Variants in LPIN1 observed in about 807,000 individuals in gnomAD.
The protein encoded by LPIN1 is lipin 1.
Under a neutral mutation model 107.5 loss-of-function variants are expected in LPIN1, and 71 were observed. The observed-to-expected ratio is 0.66, with a 90% CI of 0.55 to 0.80. The LOEUF is 0.80. Among genes scored for constraint, LPIN1 ranks in the 30% least tolerant of loss-of-function variants. LPIN1 has a pLI of 0.00. For missense variants in LPIN1, 1,043 were observed against 1,160.6 expected (o/e 0.90, Z 1.47); for synonymous variants, 445 against 452.6 (o/e 0.98, Z 0.21).
Position 11,802,916 on chromosome 2 carries a change from T to C in LPIN1, c.1896T>C (p.His632=). ...PQLSLATRVK[H]ESSSSDEERA... ...TCACTGTGTGTTCCAGGGTAAAGCA[T>C]GAATCATCCTCCAGTGATGAGGAGC... The change falls in exon 15 of 21, where the codon CAT becomes CAC. Residue 632 remains histidine (H), a synonymous_variant. Coordinates refer to ENST00000674199, the MANE Select transcript of LPIN1 (RefSeq NM_001349206.2). 6.2e-7 allele frequency: 1 copy of C among 1,613,330 alleles called. No homozygotes were observed. The highest frequency in any genetic ancestry group is 8.5e-7 in the Non-Finnish European group (1 of 1,180,022).
intron 1 of LPIN1, among the ~76,000 whole-genome samples, chr2:11,758,469 A>G (rs1381716638): frequency 6.6e-6 from 1 of 152,152 alleles, no homozygotes; most frequent in African/African-American, 2.4e-5. Context: ...AGCCATCTTA[A>G]TAGATGTGAG....
rs1408139549 is a variant in LPIN1 at position 11,782,300 on chromosome 2, A to G, written c.1057A>G (p.Thr353Ala). 1.2e-6 allele frequency: 2 copies of G among 1,614,180 alleles called. No homozygotes were observed. The highest frequency in any genetic ancestry group is 1.7e-6 in the Non-Finnish European group (2 of 1,180,032). Residue 353 changes from threonine to alanine, a missense_variant, in exon 8 of 21, where the codon ACT becomes GCT. By Grantham distance (58) the Thr-to-Ala change is moderately conservative. Transcript: ENST00000674199. The part of the protein sequence containing the change: ...FQAIHSESSD[T>A]FSDQSPTLVG... ...GGCCATTCACAGCGAATCTTCAGAC[A>G]CTTTTAGTGACCAATCGCCAACTCT...
At chr2:11,772,266 G>A (rs1268119530) in intron 4 of LPIN1, among the ~76,000 whole-genome samples, 3 of 152,200 alleles carry the variant, frequency 2.0e-5, no homozygotes, top group Non-Finnish European at 4.4e-5. Context: ...TTCTAACAGG[G>A]GCATGGACCC....
At chr2:11,813,071 C>T (rs755401335) in intron 17 of LPIN1, among the ~76,000 whole-genome samples, 6 of 152,018 alleles carry the variant, frequency 3.9e-5, no homozygotes, top group Non-Finnish European at 8.8e-5. Context: ...CGAGGAGTCT[C>T]GGGGTGAGTT....
At chr2:11,799,522 C>T (rs942523766) in intron 14 of LPIN1, among the ~76,000 whole-genome samples, 2 of 151,836 alleles carry the variant, frequency 1.3e-5, no homozygotes, top group African/African-American at 4.8e-5. Flanking sequence ...AGCTCCAGGA[C>T]CACATTTACC....
At chr2:11,696,451 G>C (rs1662582699) in intron 1 of LPIN1, among the ~76,000 whole-genome samples, 2 of 152,168 alleles carry the variant, frequency 1.3e-5, no homozygotes, top group Non-Finnish European at 2.9e-5. Flanking sequence ...TTCACCTCTA[G>C]TCCATAGGTA....
chr2:11,744,097 C>T (rs935917928), upstream of LPIN1, among the ~76,000 whole-genome samples: 1 of 152,248 alleles, frequency 6.6e-6, no homozygotes, highest in Non-Finnish European at 1.5e-5. Context: ...AACTGAGCCT[C>T]TAGAATCAGG....
At chr2:11,724,838 G>A (rs1436565254) in intron 1 of LPIN1, among the ~76,000 whole-genome samples, 4 of 152,240 alleles carry the variant, frequency 2.6e-5, no homozygotes, top group Non-Finnish European at 5.9e-5. Context: ...TGGGCTTTTA[G>A]ACAGGTCTTG....
At position 11,815,147 on chromosome 2, in the gene LPIN1, G is replaced by T. The variant is rs913897829; in HGVS notation, c.2309G>T (p.Arg770Leu). 1.9e-6 allele frequency: 3 copies of T among 1,613,972 alleles called. No homozygotes were observed. The highest frequency in any genetic ancestry group is 2.5e-6 in the Non-Finnish European group (3 of 1,180,016). Reference sequence around the variant, plus strand: ...GCCATCGGGATGGCGGACATGACGCGGGGCTACCTGCACTGGGTCAACGAG... The same window carrying T: ...GCCATCGGGATGGCGGACATGACGCTGGGCTACCTGCACTGGGTCAACGAG... ...ARAIGMADMTRGYLHWVNERG... is the reference protein window; with the variant it reads ...ARAIGMADMTLGYLHWVNERG... The change falls in exon 18 of 21, where the codon CGG (arginine) becomes CTG (leucine). Residue 770 changes from arginine to leucine, a missense_variant. Coordinates refer to ENST00000674199, the MANE Select transcript of LPIN1 (RefSeq NM_001349206.2).
intron 14 of LPIN1, among the ~76,000 whole-genome samples, chr2:11,797,268 G>A (rs1462562307): frequency 6.6e-6 from 1 of 152,192 alleles, no homozygotes; most frequent in Non-Finnish European, 1.5e-5. Flanking sequence ...ACCTCTCAGC[G>A]TCTCCATCTG....
intron 1 of LPIN1, chr2:11,677,795 C>T (rs1211597803): frequency 1.5e-6 from 2 of 1,341,372 alleles, no homozygotes; most frequent in African/African-American, 2.9e-5. Context: ...TCCCCAGGTG[C>T]CCGCGTACTG....
intron 17 of LPIN1, among the ~76,000 whole-genome samples, chr2:11,814,511 C>CGTGTGTGT (rs1558297645): frequency 3.2e-5 from 3 of 94,864 alleles, no homozygotes; most frequent in African/African-American, 1.4e-4. Context: ...GGTGTGTGTG[C>CGTGTGTGT]ATGTGTGTGT....
chr2:11,776,279 C>A, intron 6 of LPIN1, 86 bp downstream of exon 6: 1 of 783,726 alleles, frequency 1.3e-6, no homozygotes, highest in South Asian at 2.2e-5. Flanking sequence ...TTACCATTAA[C>A]CAAATTACTT....
In LPIN1 at chr2:11,771,362, C is replaced by T; in HGVS notation, c.289-10C>T. ...CGAGGCTCTTTTTAGAAAATGTGTTCTTTTCTTAGGAAGTTATCCCTATGC... is the reference window on the plus strand; with the variant it reads ...CGAGGCTCTTTTTAGAAAATGTGTTTTTTTCTTAGGAAGTTATCCCTATGC... On this transcript the variant is annotated splice_polypyrimidine_tract_variant and intron_variant, in intron 3 of 20. Coordinates refer to ENST00000674199, the MANE Select transcript of LPIN1 (RefSeq NM_001349206.2). This position sits in a 1 kb window ranked among gnomAD's most constrained non-coding sequence, Gnocchi z 4.8. 6.2e-7 allele frequency: 1 copy of T among 1,613,482 alleles called. No homozygotes were observed.
At chr2:11,820,317 A>C in intron 19 of LPIN1, 94 bp from the exon 20 acceptor site, 1 of 817,502 alleles carries the variant, frequency 1.2e-6, no homozygotes, top group South Asian at 1.4e-5. Flanking sequence ...GTTAATGAAA[A>C]TTTGATATCT....
rs1670711974 is a variant in LPIN1, at chr2:11,765,513, T to G, written c.-9-20T>G. 1 of 1,604,156 alleles carries G rather than the reference T, an allele frequency of 6.2e-7. No homozygotes were observed. The highest frequency in any genetic ancestry group is 1.7e-5 in the Admixed American group (1 of 58,492). On this transcript the variant is annotated intron_variant, in intron 1 of 20. Coordinates refer to ENST00000674199, the MANE Select transcript of LPIN1 (RefSeq NM_001349206.2). This position sits in a 1 kb window ranked among gnomAD's most constrained non-coding sequence, Gnocchi z 4.4. The stretch of plus-strand genomic sequence containing the variant: ...GATTAATTGTGTGTCTGTGTGTGTT[T>G]TTTTTTGTCTGTTTTCCAGGTGCAG...
chr2:11,743,576 GC>G (rs902327351), upstream of LPIN1, among the ~76,000 whole-genome samples: 21 of 152,246 alleles, frequency 1.4e-4, no homozygotes, highest in Non-Finnish European at 2.4e-4. The surrounding 1 kb of genome is among the most constrained non-coding windows in gnomAD (Gnocchi z 4.7). Flanking sequence ...CTCGTGAGGG[GC>G]CCCCAACCAA....
intron 2 of LPIN1, among the ~76,000 whole-genome samples, chr2:11,715,657 G>A (rs1213751381): frequency 6.6e-6 from 1 of 152,130 alleles, no homozygotes; most frequent in Non-Finnish European, 1.5e-5. Flanking sequence ...GTGGGTGGGG[G>A]GTTCAGAAGC....
intron 10 of LPIN1, 77 bp downstream of exon 10, chr2:11,785,153 T>G (rs1572811095): frequency 1.7e-6 from 2 of 1,159,416 alleles, no homozygotes; most frequent in Non-Finnish European, 2.4e-6. Context: ...CTCCAAGGAG[T>G]GCGTGTCAAG....
Sources: gnomAD v4.1 joint callset for allele counts (sites outside exome capture counted in the v4.1 genomes callset) on GRCh38, gnomAD v4.1.1 for gene constraint, Gnocchi (gnomAD v3.1) non-coding constraint, MANE v1.5 for transcripts, NCBI Gene and HGNC (gene_info 2026-07-23, HGNC 2026-07-21) for gene names.